The following UGT1A10 variants were observed in gnomAD, a reference collection of about 807,000 sequenced individuals.
UGT1A10 encodes the protein UDP glucuronosyltransferase family 1 member A10.
In UGT1A10, 49 loss-of-function variants were observed where a neutral mutation model predicts 45.8. The observed-to-expected ratio is 1.07, with a 90% CI of 0.85 to 1.36. The LOEUF (loss-of-function observed/expected upper bound fraction) is 1.36. Ranked by LOEUF, UGT1A10 falls within the 40% of genes most tolerant of loss-of-function variation. The pLI, the probability that UGT1A10 is intolerant of heterozygous loss-of-function variation, is 0.00. For synonymous variants in UGT1A10, 284 were observed against 249.7 expected (o/e 1.14, Z -1.29); for missense variants, 745 against 668.6 (o/e 1.11, Z -1.26).
At chr2:233,725,624 T>C (rs1443141864) in intron 1 of UGT1A10, among the ~76,000 whole-genome samples, 1 of 152,198 alleles carries the variant, frequency 6.6e-6, no homozygotes, top group African/African-American at 2.4e-5. Flanking sequence ...GTCTTCAAAA[T>C]CTAGCATATA....
rs979149719 is a variant in UGT1A10, at chr2:233,682,893, G to T, written c.855+45516G>T. The T allele has an allele frequency of 2.7e-6, 4 of 1,506,370 alleles. No homozygotes were observed. The East Asian group carries it at 9.1e-5, about 34-fold the overall frequency. 93.3% of individuals were successfully genotyped at this position (1,506,370 alleles called of 1,614,324 possible). A position where few individuals can be genotyped will look rare whatever the true frequency, so the allele number is the denominator to read the frequency against. ...TTATCATTTACATTTGTCCCATTTG[G>T]AATTTCTTTCTGGTTTAAGGAATTC... On this transcript the variant is annotated intron_variant, in intron 1 of 4. Coordinates refer to ENST00000344644, the MANE Select transcript of UGT1A10 (RefSeq NM_019075.4).
At chr2:233,745,046 G>GT (rs1692997137) in intron 1 of UGT1A10, among the ~76,000 whole-genome samples, 1 of 151,780 alleles carries the variant, frequency 6.6e-6, no homozygotes, top group Admixed American at 6.6e-5. Flanking sequence ...TACAGTATTG[G>GT]TTTTTTATTT....
At chr2:233,748,424 C>G (rs1693941657) in intron 1 of UGT1A10, among the ~76,000 whole-genome samples, 1 of 151,772 alleles carries the variant, frequency 6.6e-6, no homozygotes, top group Non-Finnish European at 1.5e-5. Flanking sequence ...CTTGACCCAT[C>G]TGGATTTTTT....
rs1218307967 is a variant in UGT1A10 at position 233,768,238 on chromosome 2, C to G, written c.1094C>G (p.Ala365Gly). 1.2e-6 allele frequency: 2 copies of G among 1,614,074 alleles called. No homozygotes were observed. The highest frequency in any genetic ancestry group is 1.6e-4 in the Middle Eastern group (1 of 6,084). The change falls in exon 4 of 5, where the codon GCC becomes GGC. Residue 365 changes from alanine (A) to glycine (G), a missense_variant. Coordinates refer to ENST00000344644, the MANE Select transcript of UGT1A10 (RefSeq NM_019075.4). ...NDLLGHPMTR[A>G]FITHAGSHGV... Reference sequence around the variant, plus strand: ...ATCTCAGGTCACCCGATGACCCGTGCCTTTATCACCCATGCTGGTTCCCAT... The same window carrying G: ...ATCTCAGGTCACCCGATGACCCGTGGCTTTATCACCCATGCTGGTTCCCAT...
chr2:233,693,713 C>T (rs370730386), intron 1 of UGT1A10: 2 of 1,614,058 alleles, frequency 1.2e-6, no homozygotes, highest in African/African-American at 2.7e-5. Context: ...ATCAGCTGTC[C>T]TCAAGAGAGA....
chr2:233,681,992 A>C (rs1482897619), intron 1 of UGT1A10: 20 of 1,613,984 alleles, frequency 1.2e-5, no homozygotes, highest in Non-Finnish European at 1.7e-5. Flanking sequence ...TCTACTGCTG[A>C]CCTGTGGCTT....
chr2:233,706,413 C>T (rs1371560108), intron 1 of UGT1A10, among the ~76,000 whole-genome samples: 2 of 152,242 alleles, frequency 1.3e-5, no homozygotes, highest in Admixed American at 6.5e-5. Context: ...TCAAACTTCA[C>T]GTGGTCTTTC....
Position 233,725,768 on chromosome 2 carries a change from T to C in UGT1A10, c.856-41266T>C, listed in dbSNP as rs1448370166. Among the ~76,000 whole-genome samples, 5 of 152,306 alleles carry C rather than the reference T, an allele frequency of 3.3e-5. No individual in the cohort carries two copies. The South Asian group carries it at 1.0e-3, about 32-fold the overall frequency. ...GTAAGAGACTTACATTTTCTTCACATAGTTTGTTGTTATCATTAAATAATA... is the reference window on the plus strand; with the variant it reads ...GTAAGAGACTTACATTTTCTTCACACAGTTTGTTGTTATCATTAAATAATA... On this transcript the variant is annotated intron_variant, in intron 1 of 4. Coordinates refer to ENST00000344644, the MANE Select transcript of UGT1A10 (RefSeq NM_019075.4).
chr2:233,691,153 A>G, intron 1 of UGT1A10: 7 of 985,748 alleles, frequency 7.1e-6, no homozygotes, highest in Non-Finnish European at 8.4e-6. Flanking sequence ...TGTTCTTTGA[A>G]GGAAACCTGC....
intron 1 of UGT1A10, among the ~76,000 whole-genome samples, chr2:233,759,944 G>C (rs1242141869): frequency 6.6e-6 from 1 of 152,160 alleles, no homozygotes; most frequent in African/African-American, 2.4e-5. Context: ...AGCCTAACTT[G>C]TTCACTACAT....
At chr2:233,703,155 C>T (rs1046726596) in intron 1 of UGT1A10, among the ~76,000 whole-genome samples, 1 of 152,038 alleles carries the variant, frequency 6.6e-6, no homozygotes, top group Non-Finnish European at 1.5e-5. Flanking sequence ...TTTTGTATTT[C>T]TTCTTGATTC....
At position 233,763,627 on chromosome 2, in the gene UGT1A10, G is replaced by A. The variant is rs1698360678; in HGVS notation, c.856-3407G>A. Among the ~76,000 whole-genome samples, 2 of 152,126 alleles carry A rather than the reference G, an allele frequency of 1.3e-5. 1 individual carries two copies. Among genetic ancestry groups the A allele is most frequent in the Admixed American group, 1.3e-4 (2 of 15,272 alleles). ...CACTCTGCACTACCATTCCTCTTGT[G>A]TTGATGGTCCTATTCTCAATACTCT... On this transcript the variant is annotated intron_variant, in intron 1 of 4. Transcript: ENST00000344644.
intron 1 of UGT1A10, chr2:233,755,332 C>T (rs556124321): frequency 8.7e-6 from 4 of 459,716 alleles, no homozygotes; most frequent in South Asian, 5.8e-5. Flanking sequence ...CCAGCACCCG[C>T]GCACAGGTCA....
chr2:233,724,642 G>A (rs896870557), intron 1 of UGT1A10, among the ~76,000 whole-genome samples: 3 of 142,058 alleles, frequency 2.1e-5, no homozygotes, highest in African/African-American at 8.0e-5. Flanking sequence ...AGATGTGATG[G>A]CGGCTGGGAA....
At chr2:233,770,243 A>G (rs1307269506) in intron 4 of UGT1A10, 1 of 152,248 alleles carries the variant, frequency 6.6e-6, no homozygotes, top group African/African-American at 2.4e-5. Context: ...CCATGATTCC[A>G]ACACTCTGAG....
At chr2:233,747,140 A>T in intron 1 of UGT1A10, 1 of 1,552,466 alleles carries the variant, frequency 6.4e-7, no homozygotes. Context: ...GTGACAAGGT[A>T]ATTAAGATGA....
At chr2:233,737,460 G>A (rs919499964) in intron 1 of UGT1A10, among the ~76,000 whole-genome samples, 1 of 152,212 alleles carries the variant, frequency 6.6e-6, no homozygotes, top group Non-Finnish European at 1.5e-5. Flanking sequence ...GGTACAGTCT[G>A]TCATGGCTCC....
At chr2:233,740,309 G>A (rs1460267947) in intron 1 of UGT1A10, among the ~76,000 whole-genome samples, 2 of 151,928 alleles carry the variant, frequency 1.3e-5, no homozygotes, top group African/African-American at 4.9e-5. Context: ...CTGAGAAAAG[G>A]AAATGAATCT....
In UGT1A10 at chr2:233,655,983, C is replaced by G. The variant is rs565385915; in HGVS notation, c.855+18606C>G. Reference sequence around the variant, plus strand: ...CTATATTTCTTGGAAAAGGTTACAACCTTCAAGGTGGCCATCTAGCTGGCT... The same window carrying G: ...CTATATTTCTTGGAAAAGGTTACAAGCTTCAAGGTGGCCATCTAGCTGGCT... On this transcript the variant is annotated intron_variant, in intron 1 of 4. Coordinates refer to ENST00000344644, the MANE Select transcript of UGT1A10 (RefSeq NM_019075.4). Among the ~76,000 whole-genome samples, 707 of 152,214 alleles carry G rather than the reference C, an allele frequency of 4.6e-3. 7 individuals are homozygous for G. The highest frequency in any genetic ancestry group is 0.016 in the African/African-American group (672 of 41,532).
Sources: allele counts gnomAD v4.1 joint callset (sites outside exome capture counted in the v4.1 genomes callset), GRCh38; gene constraint gnomAD v4.1.1; transcripts MANE v1.5; gene names NCBI Gene and HGNC (gene_info 2026-07-23, HGNC 2026-07-21).